The following MCU variants were observed in gnomAD, a reference collection of about 807,000 sequenced individuals.
MCU encodes calcium uniporter protein, mitochondrial.
In MCU, 12 loss-of-function variants were observed where a neutral mutation model predicts 45.2. That is an observed-to-expected ratio of 0.27 (90% CI 0.17 to 0.43). The LOEUF is 0.43. MCU is among the 20% of genes least tolerant of loss of function. The pLI, the probability that MCU is intolerant of heterozygous loss-of-function variation, is 1.00. For missense variants in MCU, 324 were observed against 436.7 expected, an observed-to-expected ratio of 0.74 and a Z score of 2.30; for synonymous variants, 160 against 165.1, an observed-to-expected ratio of 0.97 and a Z score of 0.24.
intron 4 of MCU, among the ~76,000 whole-genome samples, chr10:72,865,901 T>C (rs1468878246): frequency 2.6e-5 from 4 of 151,558 alleles, no homozygotes; most frequent in East Asian, 2.0e-4. Flanking sequence ...CTCAGCCTCC[T>C]GAGTAGCTGG....
intron 1 of MCU, chr10:72,693,009 T>C: frequency 6.5e-7 from 1 of 1,536,130 alleles, no homozygotes; most frequent in Non-Finnish European, 8.7e-7. Context: ...TGTATAAGCG[T>C]GTTCACGCGT....
chr10:72,780,327 TTAGA>T (rs1260890787), intron 1 of MCU, among the ~76,000 whole-genome samples: 1 of 152,088 alleles, frequency 6.6e-6, no homozygotes, highest in African/African-American at 2.4e-5. Context: ...TATACTGGAA[TTAGA>T]TAGTGGTGAT....
chr10:72,695,096 T>C (rs533093135), intron 1 of MCU, among the ~76,000 whole-genome samples: 1 of 152,248 alleles, frequency 6.6e-6, no homozygotes, highest in Non-Finnish European at 1.5e-5. Flanking sequence ...TTTTTAAGTA[T>C]GATTCTTCGA....
At chr10:72,860,269 C>T (rs1017529209) in intron 3 of MCU, 154 bp from the exon 4 acceptor site, 4 of 611,168 alleles carry the variant, frequency 6.5e-6, no homozygotes, top group South Asian at 4.0e-5. Context: ...AGAGCTTCAA[C>T]CTAAACTTTG....
intron 5 of MCU, 71 bp from the exon 6 acceptor site, chr10:72,871,306 A>C: frequency 7.3e-7 from 1 of 1,368,982 alleles, no homozygotes; most frequent in South Asian, 1.2e-5. Context: ...TCTTTAGTGA[A>C]CATAGAACAG....
intron 1 of MCU, among the ~76,000 whole-genome samples, chr10:72,744,556 G>A (rs1843383949): frequency 6.6e-6 from 1 of 152,218 alleles, no homozygotes; most frequent in Non-Finnish European, 1.5e-5. Context: ...CTTGAACCCA[G>A]GAGGCGGAGG....
chr10:72,884,446 C>A, intron 7 of MCU, 64 bp downstream of exon 7: 1 of 890,210 alleles, frequency 1.1e-6, no homozygotes, highest in Non-Finnish European at 1.9e-6. Flanking sequence ...TTATTATCCA[C>A]AGCCACGGTT....
chr10:72,786,204 T>G (rs1356191755), intron 1 of MCU, among the ~76,000 whole-genome samples: 1 of 152,212 alleles, frequency 6.6e-6, no homozygotes, highest in African/African-American at 2.4e-5. Flanking sequence ...GCTAGTTTGT[T>G]TTTTTAATGT....
At chr10:72,797,684 A>G (rs1227678401) in intron 1 of MCU, among the ~76,000 whole-genome samples, 2 of 150,694 alleles carry the variant, frequency 1.3e-5, no homozygotes, top group African/African-American at 2.4e-5. Context: ...ACAGGCGCCC[A>G]CCACCACGCC....
chr10:72,840,895 T>C (rs1237490799), intron 2 of MCU, among the ~76,000 whole-genome samples: 1 of 152,196 alleles, frequency 6.6e-6, no homozygotes, highest in Admixed American at 6.5e-5. Flanking sequence ...TTCTTCAAGA[T>C]TGACTTTTAT....
chr10:72,759,967 C>T (rs969569224), intron 1 of MCU, among the ~76,000 whole-genome samples: 22 of 152,100 alleles, frequency 1.4e-4, no homozygotes, highest in Admixed American at 1.4e-3. Context: ...TTGAAGCCAT[C>T]CACTCTTTGA....
rs1842633984 is a variant in MCU at position 72,692,386 on chromosome 10, C to G, written c.150+85C>G. 3.8e-6 allele frequency: 4 copies of G among 1,057,916 alleles called. No individual in the cohort carries two copies. In the South Asian group the frequency reaches 1.4e-4, roughly 36 times the overall value. The allele number at this position is 1,057,916 out of a possible 1,614,324, so 65.5% of individuals were successfully genotyped here. A position where few individuals can be genotyped will look rare whatever the true frequency, so the allele number is the denominator to read the frequency against. On this transcript the variant is annotated intron_variant, in intron 1 of 7. Transcript: ENST00000373053. The stretch of plus-strand genomic sequence containing the variant: ...GCCGGCGGGCAGGCCGCCGGGGCAG[C>G]AGGCGAGTTACCTCAACTCCCGGCC...
intron 2 of MCU, among the ~76,000 whole-genome samples, chr10:72,849,360 T>C (rs1845172783): frequency 6.6e-6 from 1 of 151,880 alleles, no homozygotes; most frequent in South Asian, 2.1e-4. Context: ...CTATGAATAG[T>C]CAAGGATGCC....
chr10:72,695,543 A>G (rs1564530998), intron 1 of MCU, among the ~76,000 whole-genome samples: 3 of 151,986 alleles, frequency 2.0e-5, no homozygotes, highest in Non-Finnish European at 4.4e-5. Context: ...ATCACCCCTA[A>G]TCACTCCTCT....
chr10:72,801,996 T>C (rs930073894), intron 1 of MCU, among the ~76,000 whole-genome samples: 6 of 152,218 alleles, frequency 3.9e-5, no homozygotes, highest in Non-Finnish European at 1.5e-5. Flanking sequence ...AATTGTGTTT[T>C]TACACATTTG....
intron 4 of MCU, chr10:72,861,700 T>C (rs1201126691): frequency 1.1e-5 from 4 of 380,220 alleles, no homozygotes; most frequent in South Asian, 7.8e-5. Context: ...TTTTGCCATG[T>C]TGGCCAGAAT....
rs1359050918 is a variant in MCU at position 72,805,155 on chromosome 10, C to CTTTCTTTCTTTCTTTCTTTCTTTCTT, written c.151-29199_151-29198insTTCTTTCTTTCTTTCTTTCTTTTTCT. On this transcript the variant is annotated intron_variant, in intron 1 of 7. Coordinates refer to ENST00000373053, the MANE Select transcript of MCU (RefSeq NM_138357.3). ...TCTTTCTTTCTTTCTTTCTTTCTTT[C>CTTTCTTTCTTTCTTTCTTTCTTTCTT]TTTCTGTCTCTCTCTCTCTCTCTTT... Among the ~76,000 whole-genome samples, 238 of 138,842 alleles carry CTTTCTTTCTTTCTTTCTTTCTTTCTT rather than the reference C, an allele frequency of 1.7e-3. 6 individuals are homozygous for CTTTCTTTCTTTCTTTCTTTCTTTCTT. The highest frequency in any genetic ancestry group is 0.015 in the East Asian group (72 of 4,646). 91.1% of individuals were successfully genotyped at this position (138,842 alleles called of 152,430 possible).
intron 7 of MCU, among the ~76,000 whole-genome samples, chr10:72,884,964 T>C (rs1305981732): frequency 6.6e-6 from 1 of 152,224 alleles, no homozygotes; most frequent in Non-Finnish European, 1.5e-5. Flanking sequence ...CTCATTCCTT[T>C]TCTCTGTAGT....
At chr10:72,767,832 A>G (rs1843749828) in intron 1 of MCU, among the ~76,000 whole-genome samples, 1 of 152,168 alleles carries the variant, frequency 6.6e-6, no homozygotes, top group Non-Finnish European at 1.5e-5. Flanking sequence ...TGAAATAATA[A>G]TTCACAGTCT....
Sources: gnomAD v4.1 joint callset for allele counts (sites outside exome capture counted in the v4.1 genomes callset) on GRCh38, gnomAD v4.1.1 for gene constraint, MANE v1.5 for transcripts, NCBI Gene and HGNC (gene_info 2026-07-23, HGNC 2026-07-21) for gene names.